Variants in VTI1A observed in about 807,000 individuals in gnomAD.
The protein encoded by VTI1A is vesicle transport through interaction with t-SNAREs 1A, also known as vesicle transport through interaction with t-SNAREs homolog 1A.
VTI1A carries 22 observed loss-of-function variants against 34.9 expected under a neutral mutation model. That is an observed-to-expected ratio of 0.63 (90% CI 0.45 to 0.90). The LOEUF (loss-of-function observed/expected upper bound fraction) is 0.90, where lower values mean the gene tolerates loss of function less well. Among genes scored for constraint, VTI1A ranks in the 40% least tolerant of loss-of-function variants. The pLI is 0.00. For synonymous variants in VTI1A, 87 were observed against 97.3 expected (o/e 0.89, Z 0.62); for missense variants, 268 against 275.6 (o/e 0.97, Z 0.20).
chr10:112,473,862 G>A (rs188941585), intron 3 of VTI1A, among the ~76,000 whole-genome samples: 10 of 152,148 alleles, frequency 6.6e-5, no homozygotes, highest in Admixed American at 2.6e-4. Context: ...TGATTTTGGG[G>A]ATTTTATAGA....
intron 2 of VTI1A, 52 bp from the exon 3 acceptor site, chr10:112,464,495 C>T: frequency 6.7e-7 from 1 of 1,490,842 alleles, no homozygotes; most frequent in Non-Finnish European, 9.2e-7. Flanking sequence ...AACATTTGTT[C>T]AAATAAGAAT....
At chr10:112,663,316 C>T (rs890379176) in intron 5 of VTI1A, among the ~76,000 whole-genome samples, 4 of 152,166 alleles carry the variant, frequency 2.6e-5, no homozygotes, top group African/African-American at 9.7e-5. Flanking sequence ...AAGTTGGTAT[C>T]AAAGTTGCCA....
the VTI1A span, among the ~76,000 whole-genome samples, chr10:112,838,578 G>A: frequency 6.6e-6 from 1 of 152,166 alleles, no homozygotes; most frequent in Admixed American, 6.5e-5. Flanking sequence ...ACATAGGGCA[G>A]GAAGGGAGTA....
At chr10:112,837,523 A>G in the VTI1A span, among the ~76,000 whole-genome samples, 1 of 152,130 alleles carries the variant, frequency 6.6e-6, no homozygotes, top group African/African-American at 2.4e-5. Flanking sequence ...AGACAGCCCT[A>G]CCCTCCTGAG....
chr10:112,652,916 AC>A (rs1282744145), intron 5 of VTI1A, among the ~76,000 whole-genome samples: 6 of 152,144 alleles, frequency 3.9e-5, no homozygotes, highest in Non-Finnish European at 8.8e-5. Flanking sequence ...GGCATCTTGA[AC>A]AAAGAATTGG....
intron 5 of VTI1A, among the ~76,000 whole-genome samples, chr10:112,592,518 A>G (rs1293794073): frequency 2.0e-5 from 3 of 152,202 alleles, no homozygotes; most frequent in South Asian, 4.1e-4. Flanking sequence ...TGCCTCCGCA[A>G]TGGTGCATCT....
At chr10:112,777,023 T>C (rs567467957) in intron 7 of VTI1A, among the ~76,000 whole-genome samples, 2 of 152,286 alleles carry the variant, frequency 1.3e-5, no homozygotes, top group South Asian at 4.1e-4. Flanking sequence ...GCTTGCTTAG[T>C]AAGAGAAACT....
the VTI1A span, among the ~76,000 whole-genome samples, chr10:112,830,849 A>ATATTTTTTTTTTT: frequency 5.4e-4 from 18 of 33,496 alleles, no homozygotes; most frequent in African/African-American, 2.6e-3. Context: ...ATATATATAT[A>ATATTTTTTTTTTT]TTTTTTTTTT....
chr10:112,478,178 T>C (rs116136863), intron 3 of VTI1A, among the ~76,000 whole-genome samples: 19 of 152,294 alleles, frequency 1.2e-4, no homozygotes, highest in African/African-American at 4.6e-4. Flanking sequence ...TTTTCTAATA[T>C]TGTGTGCAAG....
chr10:112,518,681 ACAT>A (rs1849898833), intron 3 of VTI1A, among the ~76,000 whole-genome samples: 2 of 150,180 alleles, frequency 1.3e-5, no homozygotes, highest in South Asian at 2.1e-4. Flanking sequence ...ACACACACAC[ACAT>A]AACTTTTTAA....
chr10:112,828,036 G>A, the VTI1A span, among the ~76,000 whole-genome samples: 1 of 152,152 alleles, frequency 6.6e-6, no homozygotes. Context: ...CTGAGCCTCA[G>A]TTTCCTCTAC....
chr10:112,539,580 G>A (rs1327607142), intron 5 of VTI1A, among the ~76,000 whole-genome samples: 1 of 152,164 alleles, frequency 6.6e-6, no homozygotes, highest in East Asian at 1.9e-4. Flanking sequence ...CTCATCTTTA[G>A]AGGTGACTGT....
the VTI1A span, among the ~76,000 whole-genome samples, chr10:112,837,525 C>A: frequency 6.6e-6 from 1 of 152,194 alleles, no homozygotes; most frequent in African/African-American, 2.4e-5. Context: ...ACAGCCCTAC[C>A]CTCCTGAGGG....
At position 112,598,564 on chromosome 10, in the gene VTI1A, G is replaced by T. The variant is rs555021362; in HGVS notation, c.427+60234G>T. ...CATTTGCAAAGAAGACAAAAGTAAT[G>T]GGGGGAAAGCATAACCTTTTAATGT... On this transcript the variant is annotated intron_variant, in intron 5 of 7. Transcript: ENST00000393077. Among the ~76,000 whole-genome samples the T allele has an allele frequency of 2.0e-4, 31 of 152,262 alleles. No homozygotes were observed. The South Asian group carries it at 3.1e-3, about 15-fold the overall frequency.
At chr10:112,776,685 T>A (rs2134030305) in intron 7 of VTI1A, among the ~76,000 whole-genome samples, 1 of 151,146 alleles carries the variant, frequency 6.6e-6, no homozygotes, top group Admixed American at 6.6e-5. Context: ...TAATTTTTTT[T>A]TTTTTTTTTT....
At chr10:112,734,524 A>G (rs1850385652) in intron 7 of VTI1A, among the ~76,000 whole-genome samples, 1 of 152,098 alleles carries the variant, frequency 6.6e-6, no homozygotes, top group South Asian at 2.1e-4. Context: ...TATCACAGCC[A>G]GTCTTTAAAA....
the VTI1A span, chr10:112,827,352 C>G: frequency 1.0e-3 from 156 of 152,030 alleles, no homozygotes; most frequent in African/African-American, 3.6e-3. Flanking sequence ...TACTTGGAGC[C>G]TCTCTCGGTG....
downstream of VTI1A, among the ~76,000 whole-genome samples, chr10:112,821,069 C>T (rs566604163): frequency 3.9e-5 from 6 of 152,316 alleles, no homozygotes; most frequent in Non-Finnish European, 7.4e-5. Flanking sequence ...CTTCCTCATC[C>T]GGAATCGCTC....
At chr10:112,469,220 A>C (rs569878411) in intron 3 of VTI1A, among the ~76,000 whole-genome samples, 1 of 151,998 alleles carries the variant, frequency 6.6e-6, no homozygotes, top group Non-Finnish European at 1.5e-5. Context: ...CCTAGATTTT[A>C]TTGTTATTTT....
Sources: allele counts gnomAD v4.1 joint callset (sites outside exome capture counted in the v4.1 genomes callset), GRCh38; gene constraint gnomAD v4.1.1; transcripts MANE v1.5; gene names NCBI Gene and HGNC (gene_info 2026-07-23, HGNC 2026-07-21).